Variants in GRPR observed in about 807,000 individuals in gnomAD.
The protein encoded by GRPR is gastrin releasing peptide receptor, also known as gastrin-releasing peptide receptor.
In GRPR, 4 loss-of-function variants were observed where a neutral mutation model predicts 15.6. The observed-to-expected ratio is 0.26, with a 90% CI of 0.13 to 0.59. The LOEUF (loss-of-function observed/expected upper bound fraction) is 0.59, where lower values mean the gene tolerates loss of function less well. Among genes scored for constraint, GRPR ranks in the 20% least tolerant of loss-of-function variants. The pLI, the probability that GRPR is intolerant of heterozygous loss-of-function variation, is 0.90. For missense variants in GRPR, 270 were observed against 304.1 expected (o/e 0.89, Z 0.83); for synonymous variants, 128 against 126.8 (o/e 1.01, Z -0.06).
chrX:16,141,938 GGCATCGCCAAGTGAT>G (rs1922535951), intron 1 of GRPR, among the ~76,000 whole-genome samples: 1 of 111,998 alleles, frequency 8.9e-6, no homozygotes, highest in African/African-American at 3.2e-5. Flanking sequence ...CTTAAGGGAA[GGCATCGCCAAGTGAT>G]GCTTGTTGTG....
In GRPR at chrX:16,124,668, T is replaced by C. The variant is rs936054876; in HGVS notation, c.413+302T>C. ...GCATTGCCTTTTCCTAACTTCTCCC[T>C]CCTTGCAAAATTAATTGACCAGTGA... On this transcript the variant is annotated intron_variant, in intron 1 of 2. Transcript: ENST00000380289. 7.1e-5 allele frequency among the ~76,000 whole-genome samples: 8 copies of C among 112,001 alleles called. 1 individual carries two copies. The highest frequency in any genetic ancestry group is 3.8e-4 in the Admixed American group (4 of 10,575).
rs1230668445 is a variant in GRPR, at chrX:16,123,876, C to A, written c.-78C>A. ...AAGAGCCCGGCATAGATCTTATCTTCATCTTCACTCGGTTGCAAAATCAAT... is the reference window on the plus strand; with the variant it reads ...AAGAGCCCGGCATAGATCTTATCTTAATCTTCACTCGGTTGCAAAATCAAT... On this transcript the variant is annotated 5_prime_UTR_variant, in exon 1 of 3. Transcript: ENST00000380289. 1 of 798,262 alleles carries A rather than the reference C, an allele frequency of 1.3e-6. No homozygotes were observed. Among genetic ancestry groups the A allele is most frequent in the East Asian group, 3.1e-5 (1 of 31,906 alleles). 65.8% of individuals were successfully genotyped at this position (798,262 alleles called of 1,213,427 possible).
chrX:16,133,185 C>T (rs746117582), intron 1 of GRPR, among the ~76,000 whole-genome samples: 99 of 111,195 alleles, frequency 8.9e-4, no homozygotes, highest in Non-Finnish European at 1.8e-3. Flanking sequence ...ATTATACAAA[C>T]TCTTCTTAAT....
At chrX:16,128,592 T>G (rs1489897766) in intron 1 of GRPR, among the ~76,000 whole-genome samples, 1 of 111,975 alleles carries the variant, frequency 8.9e-6, no homozygotes, top group Admixed American at 9.5e-5. Flanking sequence ...AAGCTCTCAT[T>G]ATCTGGGTAA....
At chrX:16,128,910 C>T in intron 1 of GRPR, among the ~76,000 whole-genome samples, 1 of 112,102 alleles carries the variant, frequency 8.9e-6, no homozygotes, top group East Asian at 2.8e-4. Flanking sequence ...CTGAATTGGA[C>T]CCTCAACAGA....
At chrX:16,148,757 C>A (rs1271552671) in intron 1 of GRPR, among the ~76,000 whole-genome samples, 1 of 111,547 alleles carries the variant, frequency 9.0e-6, no homozygotes, top group East Asian at 2.8e-4. Context: ...ACCAAAGGCT[C>A]ATCCTCTGGT....
chrX:16,126,437 A>G (rs1197611579), intron 1 of GRPR, among the ~76,000 whole-genome samples: 1 of 111,672 alleles, frequency 9.0e-6, no homozygotes, highest in East Asian at 2.8e-4. Flanking sequence ...TATATATTCT[A>G]TATTATTTTT....
chrX:16,138,059 GCATAGGAC>G (rs1922475080), intron 1 of GRPR, among the ~76,000 whole-genome samples: 1 of 111,748 alleles, frequency 8.9e-6, no homozygotes, highest in South Asian at 3.8e-4. Context: ...TGTGTACCTA[GCATAGGAC>G]CATGCAAAAG....
intron 1 of GRPR, among the ~76,000 whole-genome samples, chrX:16,139,449 GA>G (rs899991876): frequency 1.8e-5 from 2 of 110,017 alleles, no homozygotes; most frequent in Non-Finnish European, 3.8e-5. Context: ...TAAAACATGA[GA>G]TTTTTTTGAG....
chrX:16,140,586 A>G (rs1373916508), intron 1 of GRPR, among the ~76,000 whole-genome samples: 1 of 111,332 alleles, frequency 9.0e-6, no homozygotes, highest in Non-Finnish European at 1.9e-5. Context: ...AATTACCACC[A>G]ACAGACAATT....
intron 1 of GRPR, among the ~76,000 whole-genome samples, chrX:16,148,016 T>G (rs1199871033): frequency 8.9e-6 from 1 of 112,352 alleles, no homozygotes; most frequent in East Asian, 2.8e-4. Context: ...ATAAAGAAGA[T>G]CCAAAAGAAA....
rs774952275 is a variant in GRPR, at chrX:16,150,563, G to A, written c.672G>A (p.Ser224=). ...SFLVFYVIPL[S]IISVYYYFIA... ...TGGTCTTCTACGTCATTCCACTGTC[G>A]ATCATCTCTGTTTACTACTACTTCA... Residue 224 remains serine (S), a synonymous_variant, in exon 2 of 3, where the codon TCG becomes TCA. Transcript: ENST00000380289. The A allele has an allele frequency of 1.5e-5, 18 of 1,196,440 alleles. No individual in the cohort carries two copies. The highest frequency in any genetic ancestry group is 1.8e-5 in the Non-Finnish European group (16 of 883,031).
At chrX:16,127,271 G>A (rs1249425599) in intron 1 of GRPR, among the ~76,000 whole-genome samples, 1 of 111,401 alleles carries the variant, frequency 9.0e-6, no homozygotes, top group East Asian at 2.8e-4. Context: ...CCTTCACCGG[G>A]TGAATTCGAG....
chrX:16,144,438 A>G (rs187712525), intron 1 of GRPR, among the ~76,000 whole-genome samples: 71 of 111,993 alleles, frequency 6.3e-4, no homozygotes, highest in African/African-American at 2.1e-3. Context: ...ATACATTAGG[A>G]TTGCAGTGGA....
rs747644918 is a variant in GRPR, at chrX:16,128,410, G to C, written c.413+4044G>C. Among the ~76,000 whole-genome samples, 3 of 110,669 alleles carry C rather than the reference G, an allele frequency of 2.7e-5. No individual in the cohort carries two copies. The East Asian group carries it at 8.5e-4, about 31-fold the overall frequency. The stretch of plus-strand genomic sequence containing the variant: ...GGAGCCTGTCATCCCAGTTACTTGG[G>C]AGGCTGAGGCAGGAGAATTGCTTGA... On this transcript the variant is annotated intron_variant, in intron 1 of 2. Transcript: ENST00000380289.
intron 2 of GRPR, among the ~76,000 whole-genome samples, chrX:16,151,295 A>G (rs1332158072): frequency 8.9e-6 from 1 of 112,194 alleles, no homozygotes; most frequent in Admixed American, 9.4e-5. Context: ...CTTATCCCCC[A>G]TAACACTCCA....
chrX:16,125,837 G>C (rs1175474871), intron 1 of GRPR, among the ~76,000 whole-genome samples: 1 of 111,495 alleles, frequency 9.0e-6, no homozygotes, highest in East Asian at 2.8e-4. Flanking sequence ...ACCACAGACA[G>C]TTTCATGTAT....
Position 16,152,754 on chromosome X carries a change from C to G in GRPR, c.*109C>G. On this transcript the variant is annotated 3_prime_UTR_variant, in exon 3 of 3. Coordinates refer to ENST00000380289, the MANE Select transcript of GRPR (RefSeq NM_005314.3). ...CCTCCAAAGAGCCTTCAGAATGCTC[C>G]TGAGTGGTGTAGGTGGGGGTGGGGA... The G allele has an allele frequency of 2.8e-5, 18 of 644,411 alleles. No individual in the cohort carries two copies. Among genetic ancestry groups the G allele is most frequent in the South Asian group, 4.5e-5 (2 of 44,594 alleles). 53.1% of individuals were successfully genotyped at this position (644,411 alleles called of 1,213,427 possible). A position where few individuals can be genotyped will look rare whatever the true frequency, so the allele number is the denominator to read the frequency against.
At chrX:16,134,572 T>C (rs1432577281) in intron 1 of GRPR, among the ~76,000 whole-genome samples, 2 of 111,332 alleles carry the variant, frequency 1.8e-5, no homozygotes. Context: ...GGATGGACTT[T>C]GGTTTTTGTG....
Sources: allele counts gnomAD v4.1 joint callset (sites outside exome capture counted in the v4.1 genomes callset), GRCh38; gene constraint gnomAD v4.1.1; transcripts MANE v1.5; gene names NCBI Gene and HGNC (gene_info 2026-07-23, HGNC 2026-07-21).